STXBP5: variants seen among roughly 807,000 people sequenced by gnomAD.
The protein encoded by STXBP5 is syntaxin-binding protein 5.
A neutral mutation model predicts 152.4 loss-of-function variants in STXBP5; 50 were observed. The ratio of observed to expected loss-of-function variants is 0.33; its 90% CI spans 0.26 to 0.42. The LOEUF is 0.42. STXBP5 is among the 10% of genes least tolerant of loss of function. The pLI is 1.00. For synonymous variants in STXBP5, 492 were observed against 494.7 expected, an observed-to-expected ratio of 0.99 and a Z score of 0.07; for missense variants, 1,167 against 1,388.6, an observed-to-expected ratio of 0.84 and a Z score of 2.54.
intron 4 of STXBP5, among the ~76,000 whole-genome samples, chr6:147,250,991 A>AAAGAAGGCCG (rs1196095379): frequency 6.6e-6 from 1 of 151,126 alleles, no homozygotes. Flanking sequence ...AAAAAAAAAA[A>AAAGAAGGCCG]AAGAAGGCCG....
intron 22 of STXBP5, among the ~76,000 whole-genome samples, chr6:147,354,482 A>G (rs1221500095): frequency 6.6e-6 from 1 of 151,822 alleles, no homozygotes; most frequent in Non-Finnish European, 1.5e-5. Context: ...AAAAACAGGT[A>G]TAATTTGAAA....
At chr6:147,264,652 C>T (rs1053268647) in intron 6 of STXBP5, among the ~76,000 whole-genome samples, 9 of 151,952 alleles carry the variant, frequency 5.9e-5, no homozygotes, top group Non-Finnish European at 1.2e-4. Flanking sequence ...AAAAATTAGA[C>T]GGGAATTAGT....
rs565222531 is a variant in STXBP5, at chr6:147,387,220, A to G, written c.*2465A>G. ...TCTACAGTAATAACTAACCCAGGGA[A>G]TTTACTGTAATTTGAGAGGTAACAT... On this transcript the variant is annotated 3_prime_UTR_variant, in exon 28 of 28. Transcript: ENST00000321680. 32 of 151,740 alleles carry G rather than the reference A, an allele frequency of 2.1e-4. No homozygotes were observed. Among genetic ancestry groups the G allele is most frequent in the African/African-American group, 7.5e-4 (31 of 41,488 alleles). The allele number at this position is 151,740 out of a possible 1,614,324, so 9.4% of individuals were successfully genotyped here.
chr6:147,336,999 T>G (rs1353578348), intron 19 of STXBP5, among the ~76,000 whole-genome samples: 3 of 152,064 alleles, frequency 2.0e-5, no homozygotes, highest in Admixed American at 6.6e-5. Context: ...TCATTTATTT[T>G]TATGTAAACC....
At chr6:147,315,173 C>T (rs1260377709) in intron 14 of STXBP5, among the ~76,000 whole-genome samples, 2 of 152,038 alleles carry the variant, frequency 1.3e-5, no homozygotes, top group African/African-American at 2.4e-5. Context: ...AGAGAAGATA[C>T]ATAGAAAATC....
chr6:147,314,499 T>G (rs560514891), intron 13 of STXBP5, 97 bp from the exon 14 acceptor site: 79 of 1,394,750 alleles, frequency 5.7e-5, no homozygotes, highest in Non-Finnish European at 7.1e-5. Context: ...TTTTTTTACC[T>G]TTTTACTCAT....
chr6:147,321,669 A>G (rs575997642), intron 16 of STXBP5, among the ~76,000 whole-genome samples: 16 of 152,344 alleles, frequency 1.1e-4, no homozygotes, highest in Admixed American at 5.9e-4. Flanking sequence ...TCCCTTTGCA[A>G]GGTACTTGCT....
intron 6 of STXBP5, among the ~76,000 whole-genome samples, chr6:147,266,809 A>G (rs556940650): frequency 1.2e-4 from 18 of 152,296 alleles, no homozygotes; most frequent in African/African-American, 3.8e-4. Context: ...TTGAAAATAC[A>G]TACAAAAGTT....
intron 26 of STXBP5, among the ~76,000 whole-genome samples, chr6:147,381,001 C>T (rs1007142021): frequency 2.6e-5 from 4 of 152,114 alleles, no homozygotes; most frequent in African/African-American, 9.7e-5. Flanking sequence ...GGAGCAAAAG[C>T]ACATCTTACA....
chr6:147,295,975 C>G (rs576573918), intron 9 of STXBP5, among the ~76,000 whole-genome samples: 2 of 152,266 alleles, frequency 1.3e-5, no homozygotes, highest in South Asian at 4.1e-4. Context: ...ACATGGGTGA[C>G]TACAATGCCA....
At chr6:147,242,703 G>A (rs1778610496) in intron 4 of STXBP5, among the ~76,000 whole-genome samples, 1 of 152,116 alleles carries the variant, frequency 6.6e-6, no homozygotes, top group African/African-American at 2.4e-5. Flanking sequence ...GGAGCAATAG[G>A]CTGTACTATA....
At chr6:147,373,662 G>A in intron 25 of STXBP5, 69 bp from the exon 26 acceptor site, 1 of 1,110,044 alleles carries the variant, frequency 9.0e-7, no homozygotes, top group Non-Finnish European at 1.4e-6. Context: ...AGTTTACAGT[G>A]ATACTTTTGT....
intron 5 of STXBP5, among the ~76,000 whole-genome samples, chr6:147,261,580 T>C (rs1349052585): frequency 6.6e-6 from 1 of 152,072 alleles, no homozygotes; most frequent in African/African-American, 2.4e-5. Flanking sequence ...ATAGCTGTAA[T>C]AGTGTATTAA....
chr6:147,343,552 G>A (rs1029655544), intron 21 of STXBP5, among the ~76,000 whole-genome samples: 1 of 152,074 alleles, frequency 6.6e-6, no homozygotes, highest in Non-Finnish European at 1.5e-5. Flanking sequence ...TAGTGACTTA[G>A]GACTGGAATC....
At chr6:147,257,972 CGTATGTCTG>C (rs1779455686) in intron 4 of STXBP5, among the ~76,000 whole-genome samples, 1 of 152,136 alleles carries the variant, frequency 6.6e-6, no homozygotes, top group Admixed American at 6.5e-5. Flanking sequence ...TTGCCTTACT[CGTATGTCTG>C]GTGGTTGGTT....
At chr6:147,279,125 G>A (rs1432612733) in intron 8 of STXBP5, among the ~76,000 whole-genome samples, 1 of 152,180 alleles carries the variant, frequency 6.6e-6, no homozygotes, top group African/African-American at 2.4e-5. Flanking sequence ...CTTGTAAGCA[G>A]ATCTTTGTAG....
chr6:147,341,362 G>T (rs1334918028), intron 21 of STXBP5, among the ~76,000 whole-genome samples: 1 of 152,052 alleles, frequency 6.6e-6, no homozygotes, highest in Non-Finnish European at 1.5e-5. Context: ...ATGAAGCTGT[G>T]GTGTCAAAAG....
Position 147,339,213 on chromosome 6 carries a change from A to G in STXBP5, c.2181A>G (p.Gln727=). ...SSSPHNSDDE[Q]KMNNFIEKVK... ...CACCACACAATTCAGATGATGAACA[A>G]AAAATGAATAATTTTATAGAAAAGG... Residue 727 remains glutamine (Q), a synonymous_variant, in exon 20 of 28, where the codon CAA becomes CAG. Coordinates refer to ENST00000321680, the MANE Select transcript of STXBP5 (RefSeq NM_001127715.4). 1 of 1,539,094 alleles carries G rather than the reference A, an allele frequency of 6.5e-7. No individual in the cohort carries two copies.
intron 21 of STXBP5, among the ~76,000 whole-genome samples, chr6:147,349,916 T>C (rs970646174): frequency 6.6e-6 from 1 of 152,218 alleles, no homozygotes; most frequent in African/African-American, 2.4e-5. Context: ...TCTAATGTTG[T>C]CATTTCAAGT....
Sources: gnomAD v4.1 joint callset for allele counts (sites outside exome capture counted in the v4.1 genomes callset) on GRCh38, gnomAD v4.1.1 for gene constraint, MANE v1.5 for transcripts, NCBI Gene and HGNC (gene_info 2026-07-23, HGNC 2026-07-21) for gene names.